The following PLCXD3 variants were observed in gnomAD, a reference collection of about 807,000 sequenced individuals.
The protein encoded by PLCXD3 is phosphatidylinositol specific phospholipase C X domain containing 3.
Under a neutral mutation model 25.5 loss-of-function variants are expected in PLCXD3, and 19 were observed. The ratio of observed to expected loss-of-function variants is 0.75; its 90% CI spans 0.52 to 1.09. PLCXD3 has a LOEUF of 1.09. Ranked by LOEUF, PLCXD3 falls within the 50% of genes least tolerant of loss-of-function variation. The probability of loss-of-function intolerance (pLI) is 0.00; values close to 1 mark genes in which losing one functional copy is unlikely to be tolerated. For missense variants in PLCXD3, 411 were observed against 388.1 expected, an observed-to-expected ratio of 1.06 and a Z score of -0.50; for synonymous variants, 174 against 137.6, an observed-to-expected ratio of 1.26 and a Z score of -1.85.
At chr5:41,451,986 A>C (rs1580380033) in intron 1 of PLCXD3, among the ~76,000 whole-genome samples, 1 of 152,010 alleles carries the variant, frequency 6.6e-6, no homozygotes, top group Non-Finnish European at 1.5e-5. Flanking sequence ...CTTGATTGCC[A>C]TACTTTCAGC....
rs553800054 is a variant in PLCXD3 at position 41,473,756 on chromosome 5, G to A, written c.103+36668C>T. Among the ~76,000 whole-genome samples the A allele has an allele frequency of 5.9e-5, 9 of 152,128 alleles. No homozygotes were observed. The South Asian group carries it at 1.0e-3, about 18-fold the overall frequency. ...CAGGCGTGAGCCACCACACCCAGCC[G>A]CCATTAGTTTTTATGGATAGAACCA... is the stretch of plus-strand genomic sequence containing the variant. On this transcript the variant is annotated intron_variant, in intron 1 of 2. Coordinates refer to ENST00000377801, the MANE Select transcript of PLCXD3 (RefSeq NM_001005473.3).
chr5:41,478,566 T>G (rs1244669639), intron 1 of PLCXD3, among the ~76,000 whole-genome samples: 1 of 152,230 alleles, frequency 6.6e-6, no homozygotes, highest in Non-Finnish European at 1.5e-5. Context: ...CTAAAGCTGA[T>G]GTACTTTACT....
intron 2 of PLCXD3, among the ~76,000 whole-genome samples, chr5:41,375,658 G>A (rs541655193): frequency 6.6e-6 from 1 of 152,174 alleles, no homozygotes; most frequent in South Asian, 2.1e-4. Flanking sequence ...GCTTTCTTGA[G>A]GCAAAGCCAC....
chr5:41,467,228 AT>A (rs1310955462), intron 1 of PLCXD3, among the ~76,000 whole-genome samples: 1 of 152,074 alleles, frequency 6.6e-6, no homozygotes, highest in East Asian at 1.9e-4. Flanking sequence ...AACTTTCATC[AT>A]TTTTGTTAAA....
At chr5:41,380,058 T>G (rs1368088493) in intron 2 of PLCXD3, among the ~76,000 whole-genome samples, 1 of 151,604 alleles carries the variant, frequency 6.6e-6, no homozygotes, top group African/African-American at 2.4e-5. Context: ...TGACTTGGAG[T>G]TTTCACCATC....
chr5:41,428,410 G>T (rs1163511626), intron 1 of PLCXD3, among the ~76,000 whole-genome samples: 1 of 138,526 alleles, frequency 7.2e-6, no homozygotes. Context: ...TTTAGGGTGG[G>T]CCCTAATCCA....
chr5:41,392,999 T>C (rs1337605058), intron 1 of PLCXD3, among the ~76,000 whole-genome samples: 1 of 152,148 alleles, frequency 6.6e-6, no homozygotes, highest in Non-Finnish European at 1.5e-5. Flanking sequence ...GAAGACAAGC[T>C]ACTTGAAAGT....
At chr5:41,483,784 T>C (rs1234915006) in intron 1 of PLCXD3, among the ~76,000 whole-genome samples, 1 of 152,184 alleles carries the variant, frequency 6.6e-6, no homozygotes, top group East Asian at 1.9e-4. Context: ...TTAAAAGGAA[T>C]TGCTGAATCA....
At chr5:41,414,664 T>G (rs1193223153) in intron 1 of PLCXD3, among the ~76,000 whole-genome samples, 1 of 152,228 alleles carries the variant, frequency 6.6e-6, no homozygotes, top group African/African-American at 2.4e-5. Context: ...TTACCCATGC[T>G]CAATCACAGC....
At chr5:41,383,685 T>G (rs1016170940) in intron 1 of PLCXD3, among the ~76,000 whole-genome samples, 7 of 152,070 alleles carry the variant, frequency 4.6e-5, no homozygotes, top group African/African-American at 1.7e-4. Flanking sequence ...TTCCTCTGAG[T>G]GCACTTTGTT....
intron 1 of PLCXD3, among the ~76,000 whole-genome samples, chr5:41,501,525 G>A (rs1436151810): frequency 6.6e-6 from 1 of 152,038 alleles, no homozygotes; most frequent in Non-Finnish European, 1.5e-5. Context: ...CTGGTTGCCA[G>A]AGGCTGGGAA....
chr5:41,461,265 T>TA (rs1477617667), intron 1 of PLCXD3, among the ~76,000 whole-genome samples: 1 of 151,976 alleles, frequency 6.6e-6, no homozygotes, highest in Non-Finnish European at 1.5e-5. Flanking sequence ...ATCCTAAGTT[T>TA]AAAAAAATTT....
chr5:41,370,721 G>A (rs1308033365), intron 2 of PLCXD3, among the ~76,000 whole-genome samples: 1 of 152,006 alleles, frequency 6.6e-6, no homozygotes, highest in Non-Finnish European at 1.5e-5. Context: ...AAGCCCTCAG[G>A]GGCACCCATG....
intron 1 of PLCXD3, among the ~76,000 whole-genome samples, chr5:41,491,505 G>C (rs1199515919): frequency 1.3e-5 from 2 of 152,150 alleles, no homozygotes; most frequent in African/African-American, 2.4e-5. Flanking sequence ...CTTTCTGTCT[G>C]GTTGATCTGT....
chr5:41,352,569 T>C (rs1744494826), intron 2 of PLCXD3, among the ~76,000 whole-genome samples: 1 of 152,240 alleles, frequency 6.6e-6, no homozygotes, highest in African/African-American at 2.4e-5. Flanking sequence ...TTTTTCTGAA[T>C]GTACTTGATT....
intron 2 of PLCXD3, among the ~76,000 whole-genome samples, chr5:41,347,140 T>C (rs1744321770): frequency 6.6e-6 from 1 of 152,248 alleles, no homozygotes; most frequent in African/African-American, 2.4e-5. Flanking sequence ...TAAGAGTTTC[T>C]GTTGCTCCAT....
Position 41,406,363 on chromosome 5 carries a change from CCTAT to C in PLCXD3, c.104-23833_104-23830del, listed in dbSNP as rs145045034. Reference sequence around the variant, plus strand: ...ACCTGCATTTTAGAGCCCCTGTGTGCCTATCTGACAACTAAATTTTATTGTTCCA... The same window carrying C: ...ACCTGCATTTTAGAGCCCCTGTGTGCCTGACAACTAAATTTTATTGTTCCA... On this transcript the variant is annotated intron_variant, in intron 1 of 2. Coordinates refer to ENST00000377801, the MANE Select transcript of PLCXD3 (RefSeq NM_001005473.3). Among the ~76,000 whole-genome samples, 1,182 of 152,206 alleles carry C rather than the reference CCTAT, an allele frequency of 7.8e-3. 13 individuals carry two copies. Among genetic ancestry groups the C allele is most frequent in the African/African-American group, 0.026 (1,082 of 41,520 alleles).
chr5:41,498,029 A>T (rs1291074171), intron 1 of PLCXD3, among the ~76,000 whole-genome samples: 2 of 151,744 alleles, frequency 1.3e-5, no homozygotes, highest in Non-Finnish European at 3.0e-5. Flanking sequence ...ACATTCCAAA[A>T]CGTATGAAAT....
chr5:41,386,752 A>G (rs1745648477), intron 1 of PLCXD3, among the ~76,000 whole-genome samples: 1 of 152,108 alleles, frequency 6.6e-6, no homozygotes, highest in Non-Finnish European at 1.5e-5. Flanking sequence ...AAAGTGGTAT[A>G]AACATCAATT....
Sources: allele counts gnomAD v4.1 joint callset (sites outside exome capture counted in the v4.1 genomes callset), GRCh38; gene constraint gnomAD v4.1.1; transcripts MANE v1.5; gene names NCBI Gene and HGNC (gene_info 2026-07-23, HGNC 2026-07-21).